Variants in BABAM2 observed in about 807,000 individuals in gnomAD.
BABAM2 encodes BRISC and BRCA1-A complex member 2.
A neutral mutation model predicts 54.7 loss-of-function variants in BABAM2; 31 were observed. That is an observed-to-expected ratio of 0.57 (90% CI 0.43 to 0.77). BABAM2 has a LOEUF of 0.77. Ranked by LOEUF, BABAM2 falls within the 30% of genes least tolerant of loss-of-function variation. The pLI, the probability that BABAM2 is intolerant of heterozygous loss-of-function variation, is 0.00. For missense variants in BABAM2, 364 were observed against 455.8 expected (o/e 0.80, Z 1.83); for synonymous variants, 167 against 162.9 (o/e 1.03, Z -0.19).
chr2:28,237,396 A>G, intron 8 of BABAM2, 95 bp downstream of exon 8: 1 of 1,113,378 alleles, frequency 9.0e-7, no homozygotes, highest in Non-Finnish European at 1.3e-6. Flanking sequence ...TCCTTCTCGG[A>G]CCGACTGCTC....
At position 28,136,646 on chromosome 2, in the gene BABAM2, A is replaced by G. The variant is rs541240618; in HGVS notation, c.680+7266A>G. Reference sequence around the variant, plus strand: ...CCTGTTTCATAAGAGCGGTTTATCAACTGAATCCTGGAGGTGGAATATGAC... The same window carrying G: ...CCTGTTTCATAAGAGCGGTTTATCAGCTGAATCCTGGAGGTGGAATATGAC... On this transcript the variant is annotated intron_variant, in intron 7 of 11. Transcript: ENST00000379624. Among the ~76,000 whole-genome samples the G allele has an allele frequency of 8.5e-5, 13 of 152,294 alleles. No individual in the cohort carries two copies. In the South Asian group the frequency reaches 1.0e-3, roughly 12 times the overall value.
rs1691688464 is a variant in BABAM2, at chr2:28,338,704, A to G, written c.*191A>G. The G allele has an allele frequency of 1.7e-6, 1 of 593,274 alleles. No homozygotes were observed. Among genetic ancestry groups the G allele is most frequent in the Non-Finnish European group, 3.0e-6 (1 of 336,676 alleles). The allele number at this position is 593,274 out of a possible 1,614,324, so 36.8% of individuals were successfully genotyped here. ...AGCTGGCTGGTGGTCCCTGGATCCT[A>G]GAGCCCTTCACTTCGGGTTACTCCC... On this transcript the variant is annotated 3_prime_UTR_variant, in exon 12 of 12. Coordinates refer to ENST00000379624, the MANE Select transcript of BABAM2 (RefSeq NM_199191.3).
chr2:27,937,772 T>C (rs971837874), intron 3 of BABAM2, among the ~76,000 whole-genome samples: 2 of 152,228 alleles, frequency 1.3e-5, no homozygotes, highest in African/African-American at 4.8e-5. Flanking sequence ...CTCTGCAGTC[T>C]GTTGATTGTT....
intron 3 of BABAM2, among the ~76,000 whole-genome samples, chr2:27,973,994 G>A (rs1319111943): frequency 6.6e-6 from 1 of 152,092 alleles, no homozygotes; most frequent in Non-Finnish European, 1.5e-5. Flanking sequence ...GATTCACTCA[G>A]AAAGAAATAG....
chr2:27,895,932 A>G (rs1045486652), intron 2 of BABAM2, among the ~76,000 whole-genome samples: 2 of 152,114 alleles, frequency 1.3e-5, no homozygotes, highest in Non-Finnish European at 2.9e-5. Context: ...AAATATTATT[A>G]TCATTTATTT....
chr2:28,232,408 C>T (rs1249851374), intron 7 of BABAM2, among the ~76,000 whole-genome samples: 3 of 152,130 alleles, frequency 2.0e-5, no homozygotes, highest in Non-Finnish European at 4.4e-5. Flanking sequence ...TCCTTTATGC[C>T]GTCACGTTGC....
Position 28,129,254 on chromosome 2 carries a change from T to C in BABAM2, c.571-17T>C, listed in dbSNP as rs564158226. The C allele has an allele frequency of 1.9e-6, 3 of 1,598,460 alleles. No individual in the cohort carries two copies. Among genetic ancestry groups the C allele is most frequent in the Non-Finnish European group, 2.6e-6 (3 of 1,165,934 alleles). ...GGAGAACAGGTGCTGATGTTGTGTT[T>C]TCACTTCTTGTTTAAGGATGTAAAT... On this transcript the variant is annotated splice_polypyrimidine_tract_variant and intron_variant, in intron 6 of 11. Coordinates refer to ENST00000379624, the MANE Select transcript of BABAM2 (RefSeq NM_199191.3).
intron 7 of BABAM2, among the ~76,000 whole-genome samples, chr2:28,136,809 G>A (rs1414970055): frequency 6.6e-6 from 1 of 152,168 alleles, no homozygotes; most frequent in African/African-American, 2.4e-5. Flanking sequence ...GATCTACAAG[G>A]GCTGGGATAA....
intron 10 of BABAM2, among the ~76,000 whole-genome samples, chr2:28,296,698 TTA>T (rs1416969595): frequency 6.6e-6 from 1 of 152,198 alleles, no homozygotes; most frequent in Non-Finnish European, 1.5e-5. Context: ...ATTTATTTAT[TTA>T]TTTTTAAGAC....
At chr2:28,314,289 G>A (rs1286685738) in intron 11 of BABAM2, among the ~76,000 whole-genome samples, 1 of 152,166 alleles carries the variant, frequency 6.6e-6, no homozygotes, top group Non-Finnish European at 1.5e-5. Context: ...TTATGAAATT[G>A]AGACCCTGCA....
intron 11 of BABAM2, among the ~76,000 whole-genome samples, chr2:28,313,503 A>G (rs1225172410): frequency 6.6e-6 from 1 of 152,184 alleles, no homozygotes; most frequent in African/African-American, 2.4e-5. Context: ...CTGTAATCCA[A>G]AGTCACTTCT....
At chr2:28,247,507 A>T (rs1225087153) in intron 10 of BABAM2, among the ~76,000 whole-genome samples, 1 of 152,052 alleles carries the variant, frequency 6.6e-6, no homozygotes, top group African/African-American at 2.4e-5. Flanking sequence ...TCTCCCTTCC[A>T]TGAAGATGGG....
intron 10 of BABAM2, among the ~76,000 whole-genome samples, chr2:28,247,556 T>C (rs1683015023): frequency 6.6e-6 from 1 of 152,120 alleles, no homozygotes; most frequent in Non-Finnish European, 1.5e-5. Flanking sequence ...ACAAAGAACA[T>C]TGCAGTGAAT....
chr2:28,293,325 T>G (rs2148228192), intron 10 of BABAM2, among the ~76,000 whole-genome samples: 1 of 152,296 alleles, frequency 6.6e-6, no homozygotes, highest in South Asian at 2.1e-4. Context: ...GTCTTATGAA[T>G]TGAGATACCA....
intron 11 of BABAM2, 77 bp downstream of exon 11, chr2:28,298,568 T>G (rs1226242644): frequency 6.4e-7 from 1 of 1,559,328 alleles, no homozygotes; most frequent in Non-Finnish European, 8.8e-7. Flanking sequence ...AGCTACTGCT[T>G]GCAGGTTAGT....
chr2:27,914,970 G>T (rs1399270048), intron 2 of BABAM2, among the ~76,000 whole-genome samples: 1 of 152,006 alleles, frequency 6.6e-6, no homozygotes. Flanking sequence ...GTCTCTGCTT[G>T]CTCTGCAGCC....
chr2:28,148,468 T>G (rs1671712534), intron 7 of BABAM2, among the ~76,000 whole-genome samples: 2 of 152,252 alleles, frequency 1.3e-5, no homozygotes, highest in African/African-American at 4.8e-5. Context: ...GGAAACTGGA[T>G]GTACTGAAGG....
chr2:27,962,745 A>T (rs1010946469), intron 3 of BABAM2, among the ~76,000 whole-genome samples: 2 of 152,200 alleles, frequency 1.3e-5, no homozygotes, highest in Non-Finnish European at 2.9e-5. Flanking sequence ...AATTTATGTC[A>T]TCTTAATAAT....
At chr2:28,180,753 TCAAA>T (rs774838785) in intron 7 of BABAM2, among the ~76,000 whole-genome samples, 1 of 151,880 alleles carries the variant, frequency 6.6e-6, no homozygotes, top group Non-Finnish European at 1.5e-5. Flanking sequence ...TGCGAGGAAC[TCAAA>T]CAACAGCAAA....
Sources: allele counts gnomAD v4.1 joint callset (sites outside exome capture counted in the v4.1 genomes callset), GRCh38; gene constraint gnomAD v4.1.1; transcripts MANE v1.5; gene names NCBI Gene and HGNC (gene_info 2026-07-23, HGNC 2026-07-21).